PDE4B: variants seen among roughly 807,000 people sequenced by gnomAD.
The protein encoded by PDE4B is 3',5'-cyclic-AMP phosphodiesterase 4B.
PDE4B carries 20 observed loss-of-function variants against 82.2 expected under a neutral mutation model. The ratio of observed to expected loss-of-function variants is 0.24; its 90% CI spans 0.17 to 0.35. PDE4B has a LOEUF of 0.35. Among genes scored for constraint, PDE4B ranks in the 10% least tolerant of loss-of-function variants. PDE4B has a pLI of 1.00. For missense variants in PDE4B, 655 were observed against 907.2 expected, an observed-to-expected ratio of 0.72 and a Z score of 3.57; for synonymous variants, 320 against 318.9, an observed-to-expected ratio of 1.00 and a Z score of -0.04.
intron 1 of PDE4B, among the ~76,000 whole-genome samples, chr1:65,875,216 G>A (rs1006392601): frequency 6.6e-6 from 1 of 151,686 alleles, no homozygotes; most frequent in Non-Finnish European, 1.5e-5. Context: ...ATCATCACTA[G>A]CCATCAGAGA....
chr1:65,852,947 C>T (rs967290869), intron 1 of PDE4B, among the ~76,000 whole-genome samples: 2 of 151,942 alleles, frequency 1.3e-5, no homozygotes. Context: ...GATTGCCTGT[C>T]TGCTTGTTTT....
chr1:65,849,125 G>A (rs78918864), intron 1 of PDE4B, among the ~76,000 whole-genome samples: 1,615 of 152,284 alleles, frequency 0.011, 36 homozygotes, highest in African/African-American at 0.037. Flanking sequence ...GCATGCTCAT[G>A]GCTCAATAGA....
chr1:66,330,189 T>C (rs1660006811), intron 7 of PDE4B, among the ~76,000 whole-genome samples: 1 of 152,216 alleles, frequency 6.6e-6, no homozygotes, highest in Non-Finnish European at 1.5e-5. Flanking sequence ...CTTCAAAATG[T>C]ATTAATTTTT....
rs143018097 is a variant in PDE4B, at chr1:66,274,986, A to G, written c.634+8899A>G. ...CCTGAGACTATAGAAATCTTGTTAT[A>G]TAGAAATAGTTTTAGAGCTGAAGGT... On this transcript the variant is annotated intron_variant, in intron 7 of 16. Transcript: ENST00000341517. Among the ~76,000 whole-genome samples the G allele has an allele frequency of 3.4e-3, 516 of 152,274 alleles. 4 individuals carry two copies. Among genetic ancestry groups the G allele is most frequent in the African/African-American group, 0.011 (461 of 41,558 alleles).
At chr1:65,821,927 A>C (rs1356139128) in intron 1 of PDE4B, among the ~76,000 whole-genome samples, 1 of 152,236 alleles carries the variant, frequency 6.6e-6, no homozygotes, top group Non-Finnish European at 1.5e-5. Flanking sequence ...ATAGCAAAAC[A>C]ACTGTTTAGC....
chr1:65,830,665 AAAGCAAAGAAAGAGTGAG>A (rs1459277231), intron 1 of PDE4B, among the ~76,000 whole-genome samples: 1 of 152,172 alleles, frequency 6.6e-6, no homozygotes, highest in African/African-American at 2.4e-5. Context: ...GAGGTCATCA[AAAGCAAAGAAAGAGTGAG>A]AAGCTCTCCC....
intron 3 of PDE4B, among the ~76,000 whole-genome samples, chr1:66,125,321 G>A (rs1445782259): frequency 6.6e-6 from 1 of 151,888 alleles, no homozygotes; most frequent in Non-Finnish European, 1.5e-5. Flanking sequence ...CAGCCACCAT[G>A]CCCAGCTAGT....
intron 3 of PDE4B, among the ~76,000 whole-genome samples, chr1:66,035,832 T>C (rs1372730062): frequency 6.6e-6 from 1 of 152,226 alleles, no homozygotes; most frequent in Non-Finnish European, 1.5e-5. Flanking sequence ...TTTGGCATAC[T>C]AATTTTAATT....
intron 7 of PDE4B, among the ~76,000 whole-genome samples, chr1:66,305,989 A>G (rs1658246811): frequency 6.6e-6 from 1 of 152,130 alleles, no homozygotes; most frequent in African/African-American, 2.4e-5. Flanking sequence ...GTTTCTGAGT[A>G]GGGAGATCCA....
chr1:65,926,844 A>G (rs918845128), intron 3 of PDE4B, among the ~76,000 whole-genome samples: 1 of 152,144 alleles, frequency 6.6e-6, no homozygotes, highest in East Asian at 1.9e-4. Context: ...AACCAAAGAC[A>G]AAGAAAAATC....
intron 2 of PDE4B, among the ~76,000 whole-genome samples, chr1:65,916,380 C>A (rs959682792): frequency 3.3e-5 from 5 of 152,012 alleles, no homozygotes; most frequent in Non-Finnish European, 5.9e-5. Flanking sequence ...TCACTTACTA[C>A]AATTAAACCT....
intron 3 of PDE4B, among the ~76,000 whole-genome samples, chr1:66,107,183 A>T (rs541227420): frequency 6.6e-6 from 1 of 151,566 alleles, no homozygotes; most frequent in Admixed American, 6.6e-5. Context: ...TTCTGCCTTC[A>T]TTTTGTTATG....
At chr1:65,892,953 T>C (rs1213916046) in intron 1 of PDE4B, among the ~76,000 whole-genome samples, 1 of 151,934 alleles carries the variant, frequency 6.6e-6, no homozygotes, top group Non-Finnish European at 1.5e-5. Flanking sequence ...CTATTGAAAA[T>C]AAATAAATAA....
intron 3 of PDE4B, among the ~76,000 whole-genome samples, chr1:66,036,613 G>C (rs1054263917): frequency 3.3e-5 from 5 of 152,116 alleles, no homozygotes; most frequent in African/African-American, 4.8e-5. Context: ...GCCCTTGTCA[G>C]AAATCAATTG....
At chr1:66,106,498 G>C (rs1645360117) in intron 3 of PDE4B, among the ~76,000 whole-genome samples, 1 of 151,410 alleles carries the variant, frequency 6.6e-6, no homozygotes, top group South Asian at 2.1e-4. Flanking sequence ...GATTTGAATA[G>C]TTTCAGAAGG....
At chr1:66,020,821 G>A (rs978684485) in intron 3 of PDE4B, among the ~76,000 whole-genome samples, 1 of 152,156 alleles carries the variant, frequency 6.6e-6, no homozygotes, top group Non-Finnish European at 1.5e-5. Flanking sequence ...AATCCTTTGG[G>A]TATATGCCCA....
chr1:65,863,965 CTT>C (rs768869140), intron 1 of PDE4B, among the ~76,000 whole-genome samples: 4 of 152,180 alleles, frequency 2.6e-5, no homozygotes, highest in Non-Finnish European at 5.9e-5. Context: ...CAGTCTGTGT[CTT>C]TTAATTGGGG....
In PDE4B at chr1:66,367,939, C is replaced by T. The variant is rs201588931; in HGVS notation, c.1540-4C>T. On this transcript the variant is annotated splice_polypyrimidine_tract_variant and splice_region_variant and intron_variant, in intron 14 of 16. Transcript: ENST00000341517. ...TAAGAGTTTTCATTTTCTTTTTACC[C>T]AAGGTGTTAGCAACTGATATGTCTA... 1 of 1,613,246 alleles carries T rather than the reference C, an allele frequency of 6.2e-7. No individual in the cohort carries two copies. Among genetic ancestry groups the T allele is most frequent in the East Asian group, 2.2e-5 (1 of 44,860 alleles).
intron 3 of PDE4B, among the ~76,000 whole-genome samples, chr1:66,168,906 T>C (rs1027805365): frequency 6.6e-6 from 1 of 152,120 alleles, no homozygotes; most frequent in African/African-American, 2.4e-5. Flanking sequence ...TCTGAGACAT[T>C]GTGAGGTCAA....
Sources: allele counts gnomAD v4.1 joint callset (sites outside exome capture counted in the v4.1 genomes callset), GRCh38; gene constraint gnomAD v4.1.1; transcripts MANE v1.5; gene names NCBI Gene and HGNC (gene_info 2026-07-23, HGNC 2026-07-21).